Variants in MAML3 observed in about 807,000 individuals in gnomAD.
MAML3 encodes mastermind like transcriptional coactivator 3.
In MAML3, 27 loss-of-function variants were observed where a neutral mutation model predicts 101.9. The observed-to-expected ratio is 0.27, with a 90% confidence interval of 0.20 to 0.37. The LOEUF (loss-of-function observed/expected upper bound fraction) is 0.37. MAML3 is among the 10% of genes least tolerant of loss of function. The probability of loss-of-function intolerance (pLI) is 1.00; values close to 1 mark genes in which losing one functional copy is unlikely to be tolerated. For missense variants in MAML3, 1,316 were observed against 1,444.9 expected (o/e 0.91, Z 1.45); for synonymous variants, 501 against 555.9 (o/e 0.90, Z 1.39).
chr4:140,020,272 A>G (rs1263354708), intron 1 of MAML3, among the ~76,000 whole-genome samples: 1 of 152,226 alleles, frequency 6.6e-6, no homozygotes, highest in East Asian at 1.9e-4. Flanking sequence ...TAATGCAAAC[A>G]AAAGACTCTT....
chr4:140,116,600 C>T (rs1728522720), intron 1 of MAML3, among the ~76,000 whole-genome samples: 2 of 152,204 alleles, frequency 1.3e-5, no homozygotes, highest in Non-Finnish European at 2.9e-5. Context: ...AACCTCTAAC[C>T]CCACTGCTTC....
At chr4:139,946,923 A>ACTCT (rs1306650267) in intron 1 of MAML3, among the ~76,000 whole-genome samples, 5 of 62,172 alleles carry the variant, frequency 8.0e-5, no homozygotes, top group Non-Finnish European at 1.4e-4. Flanking sequence ...ACACACACAC[A>ACTCT]CACTCTCTCT....
chr4:139,751,014 T>G (rs1729484745), intron 2 of MAML3, among the ~76,000 whole-genome samples: 1 of 152,240 alleles, frequency 6.6e-6, no homozygotes, highest in Non-Finnish European at 1.5e-5. Context: ...ACTCTTTTCC[T>G]GAAGTTAGAG....
intron 2 of MAML3, among the ~76,000 whole-genome samples, chr4:139,798,034 G>GAGAGAGAGAAAGAAAGAA (rs1308897622): frequency 8.0e-6 from 1 of 124,472 alleles, no homozygotes; most frequent in South Asian, 3.0e-4. Flanking sequence ...AGGAGAGAGA[G>GAGAGAGAGAAAGAAAGAA]AGAAAGAAAG....
At chr4:140,041,885 C>T (rs554091829) in intron 1 of MAML3, among the ~76,000 whole-genome samples, 198 of 152,216 alleles carry the variant, frequency 1.3e-3, no homozygotes, top group African/African-American at 4.4e-3. Flanking sequence ...TCATGAGAAA[C>T]CTTTTAATAG....
intron 4 of MAML3, among the ~76,000 whole-genome samples, chr4:139,723,242 C>A (rs1278415499): frequency 6.6e-6 from 1 of 152,152 alleles, no homozygotes; most frequent in Non-Finnish European, 1.5e-5. Context: ...TATATAGAAA[C>A]AAAAGAATAG....
intron 1 of MAML3, among the ~76,000 whole-genome samples, chr4:139,952,193 C>A (rs780147073): frequency 3.9e-5 from 6 of 152,048 alleles, no homozygotes; most frequent in Non-Finnish European, 7.4e-5. Flanking sequence ...AAAGAAGGGC[C>A]ATTATAATAT....
chr4:139,855,047 T>C (rs185574156), intron 2 of MAML3, among the ~76,000 whole-genome samples: 1 of 152,294 alleles, frequency 6.6e-6, no homozygotes, highest in Admixed American at 6.5e-5. Context: ...CAATTCTAAA[T>C]CAATGGATTT....
At chr4:139,991,850 AAAC>A (rs1201816713) in intron 1 of MAML3, among the ~76,000 whole-genome samples, 4 of 152,044 alleles carry the variant, frequency 2.6e-5, no homozygotes, top group Non-Finnish European at 4.4e-5. Flanking sequence ...TGTCTCAGAA[AAAC>A]AACAACAACA....
chr4:140,049,481 CCACT>C (rs1043303408), intron 1 of MAML3, among the ~76,000 whole-genome samples: 3 of 152,116 alleles, frequency 2.0e-5, no homozygotes, highest in African/African-American at 4.8e-5. Flanking sequence ...TTAAAACGAG[CCACT>C]CACTCACAGG....
chr4:139,859,657 T>C (rs562668933), intron 2 of MAML3, among the ~76,000 whole-genome samples: 1 of 152,344 alleles, frequency 6.6e-6, no homozygotes, highest in South Asian at 2.1e-4. Flanking sequence ...ACTTGATTTA[T>C]AGGCATTCTC....
chr4:139,807,930 A>T (rs1477946280), intron 2 of MAML3, among the ~76,000 whole-genome samples: 1 of 152,240 alleles, frequency 6.6e-6, no homozygotes, highest in East Asian at 1.9e-4. Context: ...TAGCTTAGCA[A>T]GTTGCATGTT....
chr4:139,761,233 T>A (rs1729751065), intron 2 of MAML3, among the ~76,000 whole-genome samples: 1 of 152,134 alleles, frequency 6.6e-6, no homozygotes, highest in Non-Finnish European at 1.5e-5. Flanking sequence ...GTTCTGGGAT[T>A]ACAGGCATGA....
intron 2 of MAML3, among the ~76,000 whole-genome samples, chr4:139,766,539 G>T (rs187460419): frequency 1.3e-5 from 2 of 152,126 alleles, no homozygotes; most frequent in East Asian, 3.9e-4. Flanking sequence ...AACAATTTCT[G>T]GTTCCTTCAA....
intron 2 of MAML3, among the ~76,000 whole-genome samples, chr4:139,801,643 GGTGTGTGTGTGT>G (rs755484864): frequency 1.5e-3 from 47 of 30,776 alleles, no homozygotes; most frequent in Admixed American, 3.0e-3. Flanking sequence ...GGTGTGTGTG[GGTGTGTGTGTGT>G]GTGTGTGTGT....
chr4:140,145,756 G>A (rs1459978886), intron 1 of MAML3, among the ~76,000 whole-genome samples: 1 of 151,982 alleles, frequency 6.6e-6, no homozygotes, highest in African/African-American at 2.4e-5. Flanking sequence ...CGTAGAGATG[G>A]GGTTTCACCA....
chr4:140,000,845 T>G (rs938692635), intron 1 of MAML3, among the ~76,000 whole-genome samples: 3 of 152,060 alleles, frequency 2.0e-5, no homozygotes, highest in Non-Finnish European at 4.4e-5. Context: ...CTGACCCACA[T>G]GGAGAAACCC....
chr4:140,117,618 A>AATAT (rs1728536465), intron 1 of MAML3, among the ~76,000 whole-genome samples: 1 of 150,986 alleles, frequency 6.6e-6, no homozygotes, highest in Non-Finnish European at 1.5e-5. Context: ...AAAATATATA[A>AATAT]ATATATATGT....
intron 1 of MAML3, among the ~76,000 whole-genome samples, chr4:140,082,227 T>G (rs571155217): frequency 1.9e-4 from 29 of 152,358 alleles, no homozygotes; most frequent in African/African-American, 6.5e-4. Context: ...TATTGCACAC[T>G]GCTGTTCACC....
Sources: allele counts gnomAD v4.1 joint callset (sites outside exome capture counted in the v4.1 genomes callset), GRCh38; gene constraint gnomAD v4.1.1; transcripts MANE v1.5; gene names NCBI Gene and HGNC (gene_info 2026-07-23, HGNC 2026-07-21).